The following PTPRG variants were observed in gnomAD, a reference collection of about 807,000 sequenced individuals.
PTPRG encodes receptor-type tyrosine-protein phosphatase gamma.
PTPRG carries 102 observed loss-of-function variants against 165.3 expected under a neutral mutation model. The observed-to-expected ratio is 0.62, with a 90% CI of 0.53 to 0.73. The LOEUF (loss-of-function observed/expected upper bound fraction) is 0.73. PTPRG is among the 30% of genes least tolerant of loss of function. The pLI, the probability that PTPRG is intolerant of heterozygous loss-of-function variation, is 0.00. For missense variants in PTPRG, 1,866 were observed against 1,861.4 expected, an observed-to-expected ratio of 1.00 and a Z score of -0.05; for synonymous variants, 675 against 669.5, an observed-to-expected ratio of 1.01 and a Z score of -0.13.
At position 62,146,092 on chromosome 3, in the gene PTPRG, T is replaced by C. The variant is rs150157219; in HGVS notation, c.683-10975T>C. 5.6e-4 allele frequency among the ~76,000 whole-genome samples: 85 copies of C among 152,358 alleles called. No individual in the cohort carries two copies. In the East Asian group the frequency reaches 0.013, roughly 24 times the overall value. ...GGGAGAAAGGCAATCAATGAAACTG[T>C]TCAGTGATAATATTGGGTTTTTGTC... On this transcript the variant is annotated intron_variant, in intron 6 of 29. Coordinates refer to ENST00000474889, the MANE Select transcript of PTPRG (RefSeq NM_002841.4).
At chr3:61,823,053 T>TG (rs1288054223) in intron 2 of PTPRG, among the ~76,000 whole-genome samples, 1 of 152,216 alleles carries the variant, frequency 6.6e-6, no homozygotes, top group South Asian at 2.1e-4. Flanking sequence ...TAGGAGTTCT[T>TG]GGGGCACTTA....
chr3:61,790,224 T>G (rs952983236), intron 2 of PTPRG, among the ~76,000 whole-genome samples: 2 of 152,288 alleles, frequency 1.3e-5, no homozygotes, highest in Non-Finnish European at 1.5e-5. Context: ...TTCTGTTAAT[T>G]TAGAAAATCT....
chr3:62,063,249 A>G (rs962670479), intron 4 of PTPRG, among the ~76,000 whole-genome samples: 1 of 152,224 alleles, frequency 6.6e-6, no homozygotes, highest in Admixed American at 6.5e-5. Flanking sequence ...CACATTTTCC[A>G]GAGAATTGAT....
At chr3:61,956,083 A>G (rs1374812120) in intron 2 of PTPRG, among the ~76,000 whole-genome samples, 2 of 137,506 alleles carry the variant, frequency 1.5e-5, no homozygotes, top group African/African-American at 2.9e-5. Flanking sequence ...GACTAAGGGG[A>G]AAAAAATTAT....
chr3:61,575,745 G>T (rs565716298), intron 1 of PTPRG, among the ~76,000 whole-genome samples: 1 of 151,836 alleles, frequency 6.6e-6, no homozygotes. Context: ...AATTACAGGC[G>T]CATGCCACCA....
chr3:62,277,116 C>T (rs1702256915), intron 25 of PTPRG, 68 bp downstream of exon 25: 7 of 1,136,642 alleles, frequency 6.2e-6, no homozygotes, highest in Non-Finnish European at 9.1e-6. Context: ...CAGATACCAC[C>T]TGTGTGACTG....
Position 61,845,470 on chromosome 3 carries a change from C to T in PTPRG, c.190+96488C>T, listed in dbSNP as rs182658453. On this transcript the variant is annotated intron_variant, in intron 2 of 29. Coordinates refer to ENST00000474889, the MANE Select transcript of PTPRG (RefSeq NM_002841.4). ...AAGATGTCTATTGATCCTATTATCCCGGGACTTGAAATAACATTTCCATTT... is the reference window on the plus strand; with the variant it reads ...AAGATGTCTATTGATCCTATTATCCTGGGACTTGAAATAACATTTCCATTT... Among the ~76,000 whole-genome samples, 272 of 152,242 alleles carry T rather than the reference C, an allele frequency of 1.8e-3. 2 individuals carry two copies. Among genetic ancestry groups the T allele is most frequent in the Non-Finnish European group, 1.5e-3 (101 of 68,002 alleles).
At chr3:61,816,641 C>T (rs1293001062) in intron 2 of PTPRG, among the ~76,000 whole-genome samples, 5 of 152,142 alleles carry the variant, frequency 3.3e-5, no homozygotes, top group Non-Finnish European at 7.3e-5. Context: ...TCTTCTCCCA[C>T]AGAAAAATCC....
chr3:62,285,528 G>C (rs894957827), intron 28 of PTPRG, among the ~76,000 whole-genome samples: 1 of 140,484 alleles, frequency 7.1e-6, no homozygotes, highest in Non-Finnish European at 1.6e-5. Flanking sequence ...GGTTGTTGGG[G>C]GGGGGGGGTC....
rs1703025384 is a variant in PTPRG at position 62,295,328 on chromosome 3, A to T, written c.*2021A>T. ...AGCTAGACTCTTTTTTTAGTCAATTAAGTGGGTTGTTTTAGATGTATAGAG... is the reference window on the plus strand; with the variant it reads ...AGCTAGACTCTTTTTTTAGTCAATTTAGTGGGTTGTTTTAGATGTATAGAG... On this transcript the variant is annotated 3_prime_UTR_variant, in exon 30 of 30. Coordinates refer to ENST00000474889, the MANE Select transcript of PTPRG (RefSeq NM_002841.4). The T allele has an allele frequency of 6.6e-6, 1 of 152,088 alleles. No homozygotes were observed. Among genetic ancestry groups the T allele is most frequent in the South Asian group, 2.1e-4 (1 of 4,826 alleles). 9.4% of individuals were successfully genotyped at this position (152,088 alleles called of 1,614,324 possible). A position where few individuals can be genotyped will look rare whatever the true frequency, so the allele number is the denominator to read the frequency against.
chr3:62,125,861 C>A (rs551954202), intron 5 of PTPRG, among the ~76,000 whole-genome samples: 1 of 152,030 alleles, frequency 6.6e-6, no homozygotes, highest in Non-Finnish European at 1.5e-5. Flanking sequence ...GGTTCTGGGA[C>A]CCCGGCTTGA....
At chr3:62,049,471 G>C (rs1388462380) in intron 4 of PTPRG, among the ~76,000 whole-genome samples, 1 of 152,180 alleles carries the variant, frequency 6.6e-6, no homozygotes, top group Non-Finnish European at 1.5e-5. Context: ...ATGGAAGTTT[G>C]CTTTGAATGA....
intron 2 of PTPRG, among the ~76,000 whole-genome samples, chr3:61,906,030 T>C (rs935951847): frequency 1.3e-5 from 2 of 152,234 alleles, no homozygotes; most frequent in East Asian, 3.8e-4. Context: ...ACATGGAGTT[T>C]TATATTTTAG....
chr3:61,970,927 T>C (rs2040367170), intron 2 of PTPRG, among the ~76,000 whole-genome samples: 1 of 152,222 alleles, frequency 6.6e-6, no homozygotes, highest in Non-Finnish European at 1.5e-5. Context: ...CTGCCACTTA[T>C]TTCTGAAACT....
intron 2 of PTPRG, among the ~76,000 whole-genome samples, chr3:61,847,417 A>T (rs917394896): frequency 3.3e-5 from 5 of 152,084 alleles, no homozygotes; most frequent in African/African-American, 1.2e-4. Flanking sequence ...TTGATCTTGG[A>T]CTTCTGCCCT....
At chr3:62,014,702 T>G (rs533137257) in intron 4 of PTPRG, among the ~76,000 whole-genome samples, 1 of 152,340 alleles carries the variant, frequency 6.6e-6, no homozygotes, top group East Asian at 1.9e-4. Context: ...CTGTGTTTGC[T>G]TCTTTGAATT....
intron 9 of PTPRG, among the ~76,000 whole-genome samples, chr3:62,192,351 A>G (rs1241070950): frequency 6.7e-6 from 1 of 148,290 alleles, no homozygotes; most frequent in African/African-American, 2.5e-5. Context: ...ATGTTTGCAG[A>G]AGCCATCTCC....
intron 1 of PTPRG, among the ~76,000 whole-genome samples, chr3:61,663,158 A>C (rs1702713551): frequency 1.3e-5 from 2 of 152,174 alleles, no homozygotes; most frequent in African/African-American, 4.8e-5. Flanking sequence ...ACCCGGTCTC[A>C]AAATAAATAA....
intron 4 of PTPRG, among the ~76,000 whole-genome samples, chr3:62,041,415 A>G (rs1202833909): frequency 6.6e-6 from 1 of 152,216 alleles, no homozygotes; most frequent in East Asian, 1.9e-4. Context: ...ATACCATCCA[A>G]GAATTCTAGA....
Sources: allele counts gnomAD v4.1 joint callset (sites outside exome capture counted in the v4.1 genomes callset), GRCh38; gene constraint gnomAD v4.1.1; transcripts MANE v1.5; gene names NCBI Gene and HGNC (gene_info 2026-07-23, HGNC 2026-07-21).